The following LRMDA variants were observed in gnomAD, a reference collection of about 807,000 sequenced individuals.
The protein encoded by LRMDA is leucine-rich melanocyte differentiation-associated protein.
Under a neutral mutation model 29.8 loss-of-function variants are expected in LRMDA, and 18 were observed. That is an observed-to-expected ratio of 0.60 (90% CI 0.42 to 0.90). The LOEUF is 0.90. Ranked by LOEUF, LRMDA falls within the 40% of genes least tolerant of loss-of-function variation. LRMDA has a pLI of 0.00. For missense variants in LRMDA, 273 were observed against 273.9 expected (o/e 1.00, Z 0.02); for synonymous variants, 125 against 109.4 (o/e 1.14, Z -0.89).
At position 76,201,130 on chromosome 10, in the gene LRMDA, C is replaced by T. The variant is rs943377616; in HGVS notation, c.517-123271C>T. Among the ~76,000 whole-genome samples, 3 of 151,542 alleles carry T rather than the reference C, an allele frequency of 2.0e-5. No individual in the cohort carries two copies. The East Asian group carries it at 5.8e-4, about 29-fold the overall frequency. On this transcript the variant is annotated intron_variant, in intron 5 of 6. Coordinates refer to ENST00000611255, the MANE Select transcript of LRMDA (RefSeq NM_001305581.2). ...ATTTATATTTAGACGGAGTTTCGCT[C>T]TTGCTGCCCAGGCTGGAGTGCAATA...
chr10:75,548,545 G>C lies in LRMDA; in HGVS notation c.131+110051G>C, dbSNP rs924214581. The stretch of plus-strand genomic sequence containing the variant: ...CCCACAGTATCTTAAACAATGAGGG[G>C]TAGTTCCTATTTTCAGCACAGGAGC... On this transcript the variant is annotated intron_variant, in intron 2 of 6. Coordinates refer to ENST00000611255, the MANE Select transcript of LRMDA (RefSeq NM_001305581.2). 5.3e-5 allele frequency among the ~76,000 whole-genome samples: 8 copies of C among 152,146 alleles called. No homozygotes were observed. In the East Asian group the frequency reaches 9.7e-4, roughly 18 times the overall value.
intron 5 of LRMDA, among the ~76,000 whole-genome samples, chr10:76,078,879 C>A (rs965175273): frequency 6.6e-6 from 1 of 152,110 alleles, no homozygotes; most frequent in African/African-American, 2.4e-5. Flanking sequence ...TCAGGTGATT[C>A]TTTTTGGAAG....
Position 75,516,550 on chromosome 10 carries a change from TG to T in LRMDA, c.131+78057del, listed in dbSNP as rs757061557. ...TCCTTTGCCCACTTTTTGATGGGGT[TG>T]TTTTTTTTCTTGTTAATTGTTTAAG... On this transcript the variant is annotated intron_variant, in intron 2 of 6. Coordinates refer to ENST00000611255, the MANE Select transcript of LRMDA (RefSeq NM_001305581.2). 3.3e-5 allele frequency among the ~76,000 whole-genome samples: 5 copies of T among 152,288 alleles called. No homozygotes were observed. The East Asian group carries it at 5.8e-4, about 18-fold the overall frequency.
intron 6 of LRMDA, among the ~76,000 whole-genome samples, chr10:76,343,706 A>G (rs1423362443): frequency 2.6e-5 from 4 of 152,112 alleles, no homozygotes; most frequent in African/African-American, 9.7e-5. Context: ...GTTACTACCT[A>G]TTATTTAATG....
intron 5 of LRMDA, among the ~76,000 whole-genome samples, chr10:76,314,459 C>G (rs186982015): frequency 6.6e-6 from 1 of 152,302 alleles, no homozygotes; most frequent in African/African-American, 2.4e-5. Context: ...ATGAATCAAG[C>G]TCTCACTTGC....
chr10:75,735,849 G>A (rs1589177995), intron 2 of LRMDA, among the ~76,000 whole-genome samples: 1 of 152,108 alleles, frequency 6.6e-6, no homozygotes, highest in East Asian at 1.9e-4. Flanking sequence ...TTTTATCTAC[G>A]GATCGTGTGT....
chr10:75,469,792 T>C (rs1400120735), intron 2 of LRMDA, among the ~76,000 whole-genome samples: 1 of 152,162 alleles, frequency 6.6e-6, no homozygotes, highest in African/African-American at 2.4e-5. Context: ...AGGGATCCAG[T>C]GTGAGGCCTA....
chr10:76,084,138 A>C (rs1268991557), intron 5 of LRMDA, among the ~76,000 whole-genome samples: 1 of 152,168 alleles, frequency 6.6e-6, no homozygotes, highest in African/African-American at 2.4e-5. Context: ...CTTCCTTAGT[A>C]TCCAAGGGAC....
intron 5 of LRMDA, among the ~76,000 whole-genome samples, chr10:76,143,934 T>C (rs1850258574): frequency 6.6e-6 from 1 of 152,212 alleles, no homozygotes; most frequent in Non-Finnish European, 1.5e-5. Flanking sequence ...CCCAGCACCA[T>C]TTATTAAATA....
chr10:76,553,747 T>C (rs1355383476), intron 6 of LRMDA, among the ~76,000 whole-genome samples: 1 of 152,164 alleles, frequency 6.6e-6, no homozygotes, highest in Non-Finnish European at 1.5e-5. Context: ...GGGAGGAGAC[T>C]CACAGAGGCA....
intron 4 of LRMDA, among the ~76,000 whole-genome samples, chr10:76,050,388 A>G (rs1848511048): frequency 6.6e-6 from 1 of 152,208 alleles, no homozygotes; most frequent in African/African-American, 2.4e-5. Flanking sequence ...CAGGCTCATT[A>G]AATTTATATG....
chr10:76,532,018 G>T (rs1843239118), intron 6 of LRMDA, among the ~76,000 whole-genome samples: 1 of 152,002 alleles, frequency 6.6e-6, no homozygotes, highest in South Asian at 2.1e-4. Context: ...TTTTTGAAAA[G>T]ATACATTACA....
At chr10:75,677,777 A>G (rs929895908) in intron 2 of LRMDA, among the ~76,000 whole-genome samples, 2 of 152,196 alleles carry the variant, frequency 1.3e-5, no homozygotes, top group African/African-American at 4.8e-5. Context: ...CCAACTATGC[A>G]CTGAGTTAAA....
chr10:75,851,144 A>G (rs1028259449), intron 2 of LRMDA, among the ~76,000 whole-genome samples: 3 of 152,192 alleles, frequency 2.0e-5, no homozygotes, highest in East Asian at 1.9e-4. Flanking sequence ...TGTGTCTAGA[A>G]CATATTAAAA....
At chr10:75,527,469 T>C (rs1845426527) in intron 2 of LRMDA, among the ~76,000 whole-genome samples, 1 of 151,946 alleles carries the variant, frequency 6.6e-6, no homozygotes, top group Non-Finnish European at 1.5e-5. Flanking sequence ...TGCCAAACTG[T>C]TTTCACAACA....
chr10:75,752,404 G>T (rs1842980053), intron 2 of LRMDA, among the ~76,000 whole-genome samples: 1 of 151,772 alleles, frequency 6.6e-6, no homozygotes, highest in Non-Finnish European at 1.5e-5. Context: ...GTAGATATGG[G>T]GTTTCACCAT....
At chr10:76,528,466 A>T (rs1292698323) in intron 6 of LRMDA, among the ~76,000 whole-genome samples, 5 of 152,160 alleles carry the variant, frequency 3.3e-5, no homozygotes, top group Admixed American at 3.3e-4. Flanking sequence ...TCCAAATACT[A>T]ACTGTGGTTA....
intron 5 of LRMDA, among the ~76,000 whole-genome samples, chr10:76,108,628 G>T (rs942918633): frequency 3.9e-5 from 6 of 152,058 alleles, no homozygotes; most frequent in African/African-American, 1.4e-4. Context: ...ATTTTTCTGT[G>T]TTTTCTGTTT....
At chr10:76,121,104 A>T (rs960915767) in intron 5 of LRMDA, among the ~76,000 whole-genome samples, 1 of 151,218 alleles carries the variant, frequency 6.6e-6, no homozygotes, top group Non-Finnish European at 1.5e-5. Context: ...CACCACCCGC[A>T]CGTAGGATCT....
Sources: gnomAD v4.1 joint callset for allele counts (sites outside exome capture counted in the v4.1 genomes callset) on GRCh38, gnomAD v4.1.1 for gene constraint, MANE v1.5 for transcripts, NCBI Gene and HGNC (gene_info 2026-07-23, HGNC 2026-07-21) for gene names.